The following POU6F2 variants were observed in gnomAD, a reference collection of about 807,000 sequenced individuals.
POU6F2 encodes the protein POU class 6 homeobox 2.
Under a neutral mutation model 71.3 loss-of-function variants are expected in POU6F2, and 31 were observed. The ratio of observed to expected loss-of-function variants is 0.43; its 90% CI spans 0.33 to 0.59. The LOEUF is 0.59. Among genes scored for constraint, POU6F2 ranks in the 20% least tolerant of loss-of-function variants. POU6F2 has a pLI of 0.04. For missense variants in POU6F2, 783 were observed against 856.8 expected, an observed-to-expected ratio of 0.91 and a Z score of 1.07; for synonymous variants, 347 against 355.7, an observed-to-expected ratio of 0.98 and a Z score of 0.27.
intron 4 of POU6F2, among the ~76,000 whole-genome samples, chr7:39,233,545 C>T (rs948464025): frequency 6.6e-6 from 1 of 152,178 alleles, no homozygotes; most frequent in Non-Finnish European, 1.5e-5. Context: ...CCTCCCAGCA[C>T]ATAGGAGGAA....
intron 2 of POU6F2, among the ~76,000 whole-genome samples, chr7:39,128,579 T>C (rs538047757): frequency 6.6e-6 from 1 of 152,348 alleles, no homozygotes; most frequent in African/African-American, 2.4e-5. Context: ...GGTGTGTAAA[T>C]GCAGAATTCT....
chr7:39,114,247 T>C (rs1268981385), intron 2 of POU6F2, among the ~76,000 whole-genome samples: 1 of 152,212 alleles, frequency 6.6e-6, no homozygotes, highest in African/African-American at 2.4e-5. Flanking sequence ...ATGGTAGTCA[T>C]GATCATCACT....
At chr7:39,045,051 A>G (rs1280569283) in intron 1 of POU6F2, among the ~76,000 whole-genome samples, 7 of 151,908 alleles carry the variant, frequency 4.6e-5, no homozygotes, top group Non-Finnish European at 1.0e-4. Flanking sequence ...GTGGCCTTCT[A>G]GGTAGTGACT....
intron 4 of POU6F2, among the ~76,000 whole-genome samples, chr7:39,238,276 A>G (rs1038604806): frequency 3.9e-5 from 6 of 152,128 alleles, no homozygotes; most frequent in Admixed American, 1.3e-4. Context: ...CAATGAACAT[A>G]TAAGGACAAA....
chr7:39,421,476 CT>C (rs758941105), intron 6 of POU6F2, among the ~76,000 whole-genome samples: 1 of 152,264 alleles, frequency 6.6e-6, no homozygotes, highest in South Asian at 2.1e-4. Flanking sequence ...TCCCCACCCT[CT>C]TTTTTTCTTA....
chr7:39,446,247 G>A (rs1788521090), intron 7 of POU6F2, among the ~76,000 whole-genome samples: 1 of 152,186 alleles, frequency 6.6e-6, no homozygotes, highest in Non-Finnish European at 1.5e-5. Flanking sequence ...GTTCAGCCTG[G>A]GGTTCACTAT....
intron 6 of POU6F2, among the ~76,000 whole-genome samples, chr7:39,419,121 GTGTATATATACACATATATATA>G (rs1787783083): frequency 7.6e-6 from 1 of 131,810 alleles, no homozygotes; most frequent in African/African-American, 3.1e-5. Context: ...ACGTATATAT[GTGTATATATACACATATATATA>G]CGTATATATG....
intron 1 of POU6F2, among the ~76,000 whole-genome samples, chr7:39,021,634 A>G (rs375668559): frequency 6.6e-6 from 1 of 151,958 alleles, no homozygotes; most frequent in Admixed American, 6.6e-5. Flanking sequence ...TTTTTTTCCC[A>G]AAATGTTTAC....
At chr7:39,416,322 G>A (rs921153302) in intron 6 of POU6F2, among the ~76,000 whole-genome samples, 3 of 152,114 alleles carry the variant, frequency 2.0e-5, no homozygotes, top group East Asian at 1.9e-4. Flanking sequence ...AGAGAAAATC[G>A]CCTTAAGGTG....
intron 1 of POU6F2, among the ~76,000 whole-genome samples, chr7:39,026,535 A>T (rs1355500276): frequency 1.3e-5 from 2 of 151,976 alleles, no homozygotes; most frequent in Non-Finnish European, 2.9e-5. Context: ...TCAGTCATAG[A>T]TGGGAATTGA....
intron 1 of POU6F2, among the ~76,000 whole-genome samples, chr7:38,989,220 C>A (rs1011635795): frequency 6.6e-6 from 1 of 151,968 alleles, no homozygotes; most frequent in Non-Finnish European, 1.5e-5. Context: ...ATACAGTGTC[C>A]CAAGTTATTT....
chr7:39,164,877 G>A lies in POU6F2; in HGVS notation c.278-39358G>A, dbSNP rs77075106. ...TGATCCTCTCCAGTAAGCCAGATAA[G>A]TCTTCTTTACCCTCATTCACTCCAT... On this transcript the variant is annotated intron_variant, in intron 2 of 9. Coordinates refer to ENST00000518318, the MANE Select transcript of POU6F2 (RefSeq NM_001370959.1). Among the ~76,000 whole-genome samples, 465 of 152,228 alleles carry A rather than the reference G, an allele frequency of 3.1e-3. 2 individuals carry two copies. Among genetic ancestry groups the A allele is most frequent in the African/African-American group, 0.011 (442 of 41,536 alleles).
chr7:38,992,241 C>A (rs951808410), intron 1 of POU6F2, among the ~76,000 whole-genome samples: 1 of 152,196 alleles, frequency 6.6e-6, no homozygotes, highest in Non-Finnish European at 1.5e-5. Flanking sequence ...CATTTGTTCC[C>A]TCTCAACATT....
At chr7:39,440,546 G>A (rs1265433344) in intron 7 of POU6F2, among the ~76,000 whole-genome samples, 1 of 152,158 alleles carries the variant, frequency 6.6e-6, no homozygotes. Flanking sequence ...GGTCATTTAT[G>A]TTCCTCTCTA....
rs146811835 is a variant in POU6F2 at position 39,039,725 on chromosome 7, C to T, written c.106-46135C>T. Among the ~76,000 whole-genome samples the T allele has an allele frequency of 6.8e-3, 1,020 of 150,996 alleles. 17 individuals carry two copies. The highest frequency in any genetic ancestry group is 0.023 in the African/African-American group (942 of 41,186). On this transcript the variant is annotated intron_variant, in intron 1 of 9. Coordinates refer to ENST00000518318, the MANE Select transcript of POU6F2 (RefSeq NM_001370959.1). Reference sequence around the variant, plus strand: ...ACACATAATATCCGGGACTCTGGTCCTGAGATACTTCTGAATCTAGTATCC... The same window carrying T: ...ACACATAATATCCGGGACTCTGGTCTTGAGATACTTCTGAATCTAGTATCC...
intron 1 of POU6F2, among the ~76,000 whole-genome samples, chr7:38,996,035 C>CCTTTTTTTTTTTTTTTT (rs1562659449): frequency 1.2e-5 from 1 of 85,390 alleles, no homozygotes; most frequent in Non-Finnish European, 2.2e-5. Context: ...AGGGGCTTGG[C>CCTTTTTTTTTTTTTTTT]TTTTTTTTTT....
Position 39,110,026 on chromosome 7 carries a change from T to C in POU6F2, c.277+23995T>C, listed in dbSNP as rs1791771769. Among the ~76,000 whole-genome samples, 4 of 152,158 alleles carry C rather than the reference T, an allele frequency of 2.6e-5. No individual in the cohort carries two copies. The South Asian group carries it at 8.3e-4, about 32-fold the overall frequency. The stretch of plus-strand genomic sequence containing the variant: ...AGGCTCACGCCTGTAATCCCAGCAC[T>C]TTGGGAGGCCGAGGAGGGCGGATCA... On this transcript the variant is annotated intron_variant, in intron 2 of 9. Transcript: ENST00000518318.
chr7:39,425,023 G>A (rs1787935826), intron 6 of POU6F2, among the ~76,000 whole-genome samples: 1 of 152,098 alleles, frequency 6.6e-6, no homozygotes, highest in Non-Finnish European at 1.5e-5. Context: ...TGGGAGACGT[G>A]TCAATTCCCT....
chr7:39,298,966 C>T (rs1350499895), intron 4 of POU6F2, among the ~76,000 whole-genome samples: 2 of 151,848 alleles, frequency 1.3e-5, no homozygotes, highest in Admixed American at 6.6e-5. Flanking sequence ...TGAGAACACA[C>T]GGACACAGGG....
Sources: gnomAD v4.1 joint callset for allele counts (sites outside exome capture counted in the v4.1 genomes callset) on GRCh38, gnomAD v4.1.1 for gene constraint, MANE v1.5 for transcripts, NCBI Gene and HGNC (gene_info 2026-07-23, HGNC 2026-07-21) for gene names.